Variants in IL15RA observed in about 807,000 individuals in gnomAD.
IL15RA encodes interleukin 15 receptor subunit alpha.
Under a neutral mutation model 24.2 loss-of-function variants are expected in IL15RA, and 26 were observed. That is an observed-to-expected ratio of 1.07 (90% CI 0.79 to 1.49). The LOEUF is 1.49. IL15RA is among the 40% of genes most tolerant of loss of function. IL15RA has a pLI of 0.00. For missense variants in IL15RA, 354 were observed against 356.4 expected (o/e 0.99, Z 0.05); for synonymous variants, 166 against 157.6 (o/e 1.05, Z -0.40).
At chr10:5,972,822 C>T (rs1837828090) in intron 1 of IL15RA, among the ~76,000 whole-genome samples, 1 of 152,170 alleles carries the variant, frequency 6.6e-6, no homozygotes, top group Admixed American at 6.5e-5. Flanking sequence ...ATGTTTTATA[C>T]ACTCACGTTT....
rs1352206937 is a variant in IL15RA, at chr10:5,955,722, GTATATT to G, written c.692+651_692+656del. ...ACAAAATTAAGGCTAACATGAATCA[GTATATT>G]TATAAGAAGGCATACCCCTATTCAA... On this transcript the variant is annotated intron_variant, in intron 6 of 6. Transcript: ENST00000379977. This position sits in a 1 kb window ranked among gnomAD's most constrained non-coding sequence, Gnocchi z 5.3. Among the ~76,000 whole-genome samples, 7 of 152,308 alleles carry G rather than the reference GTATATT, an allele frequency of 4.6e-5. No individual in the cohort carries two copies. The highest frequency in any genetic ancestry group is 7.3e-5 in the Non-Finnish European group (5 of 68,034).
chr10:5,960,447 T>G lies in IL15RA; in HGVS notation c.503A>C (p.His168Pro). 1 of 1,614,146 alleles carries G rather than the reference T, an allele frequency of 6.2e-7. No individual in the cohort carries two copies. Among genetic ancestry groups the G allele is most frequent in the Non-Finnish European group, 8.5e-7 (1 of 1,179,996 alleles). Residue 168 changes from histidine to proline, a missense_variant, in exon 4 of 7, where the codon CAT (histidine) becomes CCT (proline). Transcript: ENST00000379977. This position sits in a 1 kb window ranked among gnomAD's most constrained non-coding sequence, Gnocchi z 5.1. ...PSTGTTEISS[H>P]ESSHGTPSQT... ...AGAGGGGGTGCCGTGGGAGGACTCA[T>G]GACTGCTTATCTCTGTGGTTCCTGT...
chr10:5,953,263 A>G lies in IL15RA; in HGVS notation c.693-57T>C. 1 of 1,259,816 alleles carries G rather than the reference A, an allele frequency of 7.9e-7. No individual in the cohort carries two copies. Among genetic ancestry groups the G allele is most frequent in the Admixed American group, 1.7e-5 (1 of 58,684 alleles). 78.0% of individuals were successfully genotyped at this position (1,259,816 alleles called of 1,614,324 possible). A position where few individuals can be genotyped will look rare whatever the true frequency, so the allele number is the denominator to read the frequency against. Reference sequence around the variant, plus strand: ...AGAGGAGGGGGTTGCCCTCAAATCAACAGACGCTTCCCACTGAGCATGTAT... The same window carrying G: ...AGAGGAGGGGGTTGCCCTCAAATCAGCAGACGCTTCCCACTGAGCATGTAT... On this transcript the variant is annotated intron_variant, in intron 6 of 6. Coordinates refer to ENST00000379977, the MANE Select transcript of IL15RA (RefSeq NM_002189.4). This position sits in a 1 kb window ranked among gnomAD's most constrained non-coding sequence, Gnocchi z 5.3.
At position 5,957,624 on chromosome 10, in the gene IL15RA, ACT is replaced by A. The variant is rs1236560950; in HGVS notation, c.617-1172_617-1171del. Among the ~76,000 whole-genome samples the A allele has an allele frequency of 4.6e-5, 6 of 131,624 alleles. No individual in the cohort carries two copies. The Admixed American group carries it at 5.1e-4, about 11-fold the overall frequency. The allele number at this position is 131,624 out of a possible 152,430, so 86.4% of individuals were successfully genotyped here. A position where few individuals can be genotyped will look rare whatever the true frequency, so the allele number is the denominator to read the frequency against. ...TTTTTTTTTTCTGCGACGGAATCTC[ACT>A]GTGTTGCCCAGGCTGGAGTGCAGCG... On this transcript the variant is annotated intron_variant, in intron 5 of 6. Coordinates refer to ENST00000379977, the MANE Select transcript of IL15RA (RefSeq NM_002189.4).
chr10:5,974,508 A>G (rs1167764190), intron 1 of IL15RA, among the ~76,000 whole-genome samples: 1 of 151,906 alleles, frequency 6.6e-6, no homozygotes, highest in African/African-American at 2.4e-5. Context: ...AAGGAACTGG[A>G]ACTTCCCTAC....
chr10:5,975,848 G>A lies in IL15RA; in HGVS notation c.88+1557C>T, dbSNP rs950620484. On this transcript the variant is annotated intron_variant, in intron 1 of 6. Coordinates refer to ENST00000379977, the MANE Select transcript of IL15RA (RefSeq NM_002189.4). The surrounding 1 kb of genome is among the most constrained non-coding windows in gnomAD (Gnocchi z 4.8). Reference sequence around the variant, plus strand: ...GCGGAGGTTGCAGTGAGCTGAGATCGCGCTACTGCACCCCAGCCGGGGTGA... The same window carrying A: ...GCGGAGGTTGCAGTGAGCTGAGATCACGCTACTGCACCCCAGCCGGGGTGA... Among the ~76,000 whole-genome samples, 3 of 152,130 alleles carry A rather than the reference G, an allele frequency of 2.0e-5. No individual in the cohort carries two copies. The highest frequency in any genetic ancestry group is 4.4e-5 in the Non-Finnish European group (3 of 68,032).
Position 5,964,919 on chromosome 10 carries a change from G to A in IL15RA, c.284-1078C>T, listed in dbSNP as rs1008852920. On this transcript the variant is annotated intron_variant, in intron 2 of 6. Coordinates refer to ENST00000379977, the MANE Select transcript of IL15RA (RefSeq NM_002189.4). The surrounding 1 kb of genome is among the most constrained non-coding windows in gnomAD (Gnocchi z 5.6). ...GAGTGATTTCTTGGAACAAGTCGGA[G>A]GCTTCCTCCCTGCCTTCCCTCTGCT... 5.3e-5 allele frequency among the ~76,000 whole-genome samples: 8 copies of A among 152,226 alleles called. No homozygotes were observed. The highest frequency in any genetic ancestry group is 1.9e-4 in the African/African-American group (8 of 41,466).
chr10:5,956,548 C>G, intron 5 of IL15RA, 94 bp from the exon 6 acceptor site: 1 of 896,992 alleles, frequency 1.1e-6, no homozygotes, highest in Non-Finnish European at 1.8e-6. Flanking sequence ...CAGAGGGATC[C>G]AAGTGCCTCC....
rs564107194 is a variant in IL15RA, at chr10:5,964,074, T to C, written c.284-233A>G. On this transcript the variant is annotated intron_variant, in intron 2 of 6. Coordinates refer to ENST00000379977, the MANE Select transcript of IL15RA (RefSeq NM_002189.4). The surrounding 1 kb of genome is among the most constrained non-coding windows in gnomAD (Gnocchi z 5.6). Reference sequence around the variant, plus strand: ...AGACTGCACAAGTTAAATATCAAATTTATTTTGGCTGAGATTATATTAATG... The same window carrying C: ...AGACTGCACAAGTTAAATATCAAATCTATTTTGGCTGAGATTATATTAATG... Among the ~76,000 whole-genome samples the C allele has an allele frequency of 5.9e-5, 9 of 152,310 alleles. No homozygotes were observed. The South Asian group carries it at 6.2e-4, about 11-fold the overall frequency.
chr10:5,962,478 G>C lies in IL15RA; in HGVS notation c.382+1265C>G, dbSNP rs2132437397. On this transcript the variant is annotated intron_variant, in intron 3 of 6. Coordinates refer to ENST00000379977, the MANE Select transcript of IL15RA (RefSeq NM_002189.4). This position sits in a 1 kb window ranked among gnomAD's most constrained non-coding sequence, Gnocchi z 5.2. The stretch of plus-strand genomic sequence containing the variant: ...GTGGTGGTGCACGCCTGTGATCCCA[G>C]CTACTTGGGAGGCTGAGGCAGGAAA... 6.6e-6 allele frequency among the ~76,000 whole-genome samples: 1 copy of C among 152,042 alleles called. No homozygotes were observed. The highest frequency in any genetic ancestry group is 1.9e-4 in the East Asian group (1 of 5,164).
Position 5,952,836 on chromosome 10 carries a change from C to A in IL15RA, c.*259G>T. ...ATGAAATAAAAATCCTGCTCAGAAG[C>A]CTTTGGTCTCTCCTGGGAAGCTGGG... On this transcript the variant is annotated 3_prime_UTR_variant, in exon 7 of 7. Coordinates refer to ENST00000379977, the MANE Select transcript of IL15RA (RefSeq NM_002189.4). 5.4e-6 allele frequency: 3 copies of A among 559,794 alleles called. No individual in the cohort carries two copies. Among genetic ancestry groups the A allele is most frequent in the Non-Finnish European group, 9.5e-6 (3 of 316,904 alleles). 34.7% of individuals were successfully genotyped at this position (559,794 alleles called of 1,614,324 possible).
chr10:5,976,262 C>G (rs8177766), intron 1 of IL15RA, among the ~76,000 whole-genome samples: 1 of 142,624 alleles, frequency 7.0e-6, no homozygotes, highest in Non-Finnish European at 1.5e-5. Context: ...CAAGAAGCCT[C>G]GCAGAGCTGG....
At position 5,971,681 on chromosome 10, in the gene IL15RA, A is replaced by G. The variant is rs775671500; in HGVS notation, c.89-5342T>C. ...TGTGGAGCTGGTGTACGGAAAAGGC[A>G]AAGGCCTCTGGCCTCACAGTCACCC... On this transcript the variant is annotated intron_variant, in intron 1 of 6. Coordinates refer to ENST00000379977, the MANE Select transcript of IL15RA (RefSeq NM_002189.4). This position sits in a 1 kb window ranked among gnomAD's most constrained non-coding sequence, Gnocchi z 5.5. 4.6e-5 allele frequency among the ~76,000 whole-genome samples: 7 copies of G among 152,216 alleles called. No homozygotes were observed. The highest frequency in any genetic ancestry group is 8.8e-5 in the Non-Finnish European group (6 of 68,038).
In IL15RA at chr10:5,966,393, C is replaced by T. The variant is rs1004421001; in HGVS notation, c.89-54G>A. On this transcript the variant is annotated intron_variant, in intron 1 of 6. Coordinates refer to ENST00000379977, the MANE Select transcript of IL15RA (RefSeq NM_002189.4). The surrounding 1 kb of genome is among the most constrained non-coding windows in gnomAD (Gnocchi z 6.4). ...TGAAGAGGTTTCCACTTGTAAGAGG[C>T]GTTCTCCAGGCACACGCAGCGGTAG... The T allele has an allele frequency of 5.0e-5, 74 of 1,470,358 alleles. No homozygotes were observed. Among genetic ancestry groups the T allele is most frequent in the Non-Finnish European group, 6.6e-5 (70 of 1,058,712 alleles). The allele number at this position is 1,470,358 out of a possible 1,614,324, so 91.1% of individuals were successfully genotyped here. A position where few individuals can be genotyped will look rare whatever the true frequency, so the allele number is the denominator to read the frequency against.
rs144832111 is a variant in IL15RA at position 5,968,564 on chromosome 10, G to A, written c.89-2225C>T. On this transcript the variant is annotated intron_variant, in intron 1 of 6. Transcript: ENST00000379977. The surrounding 1 kb of genome is among the most constrained non-coding windows in gnomAD (Gnocchi z 5.4). ...AGTCGATCTCACAAGTTGTTGAGGTGGATTTGGATGCTGCTGTTGCTATGG... is the reference window on the plus strand; with the variant it reads ...AGTCGATCTCACAAGTTGTTGAGGTAGATTTGGATGCTGCTGTTGCTATGG... The A allele has an allele frequency of 1.3e-4, 75 of 569,270 alleles. 3 individuals carry two copies. In the South Asian group the frequency reaches 1.4e-3, roughly 11 times the overall value. 35.3% of individuals were successfully genotyped at this position (569,270 alleles called of 1,614,324 possible).
chr10:5,960,290 C>T lies in IL15RA; in HGVS notation c.583+77G>A, dbSNP rs1835279956. 15 of 1,337,996 alleles carry T rather than the reference C, an allele frequency of 1.1e-5. No individual in the cohort carries two copies. The highest frequency in any genetic ancestry group is 1.5e-5 in the Non-Finnish European group (14 of 933,432). 82.9% of individuals were successfully genotyped at this position (1,337,996 alleles called of 1,614,324 possible). A position where few individuals can be genotyped will look rare whatever the true frequency, so the allele number is the denominator to read the frequency against. On this transcript the variant is annotated intron_variant, in intron 4 of 6. Transcript: ENST00000379977. This position sits in a 1 kb window ranked among gnomAD's most constrained non-coding sequence, Gnocchi z 5.1. ...CTTTGGATTGATGGTATAAAGCTGC[C>T]TTGTGCCGGATCTCAGCCCCGATCT... is the stretch of plus-strand genomic sequence containing the variant.
chr10:5,956,160 G>A (rs1307434342), intron 6 of IL15RA, among the ~76,000 whole-genome samples: 1 of 152,080 alleles, frequency 6.6e-6, no homozygotes, highest in Admixed American at 6.5e-5. Flanking sequence ...GATTACAGGT[G>A]TGCACCACCA....
Position 5,953,130 on chromosome 10 carries a change from C to G in IL15RA, c.769G>C (p.Asp257His). Residue 257 changes from aspartate (D) to histidine (H), a missense_variant, in exon 7 of 7, where the codon GAT becomes CAT. Coordinates refer to ENST00000379977, the MANE Select transcript of IL15RA (RefSeq NM_002189.4). This position sits in a 1 kb window ranked among gnomAD's most constrained non-coding sequence, Gnocchi z 5.3. ...TGAGAGCAGTTTTCCAAGTCTTCATCTCTGCTGCTGGTCCCCCAAGTCACC... is the reference window on the plus strand; with the variant it reads ...TGAGAGCAGTTTTCCAAGTCTTCATGTCTGCTGCTGGTCCCCCAAGTCACC... Reference protein sequence around the residue: ...LPVTWGTSSRDEDLENCSHHL With the variant: ...LPVTWGTSSRHEDLENCSHHL The G allele has an allele frequency of 6.2e-7, 1 of 1,614,246 alleles. No individual in the cohort carries two copies. Among genetic ancestry groups the G allele is most frequent in the African/African-American group, 1.3e-5 (1 of 75,080 alleles).
chr10:5,951,672 A>G (rs7893189), downstream of IL15RA, among the ~76,000 whole-genome samples: 3,979 of 152,312 alleles, frequency 0.026, 175 homozygotes, highest in African/African-American at 0.09. Context: ...CTAAGAAAAT[A>G]TAAATATTAG....
Sources: gnomAD v4.1 joint callset for allele counts (sites outside exome capture counted in the v4.1 genomes callset) on GRCh38, gnomAD v4.1.1 for gene constraint, Gnocchi (gnomAD v3.1) non-coding constraint, MANE v1.5 for transcripts, NCBI Gene and HGNC (gene_info 2026-07-23, HGNC 2026-07-21) for gene names.